The following NRXN3 variants were observed in gnomAD, a reference collection of about 807,000 sequenced individuals.
NRXN3 encodes the protein neurexin 3.
A neutral mutation model predicts 137.6 loss-of-function variants in NRXN3; 32 were observed. The ratio of observed to expected loss-of-function variants is 0.23; its 90% CI spans 0.18 to 0.31. NRXN3 has a LOEUF of 0.31. Among genes scored for constraint, NRXN3 ranks in the 10% least tolerant of loss-of-function variants. The probability of loss-of-function intolerance (pLI) is 1.00; values close to 1 mark genes in which losing one functional copy is unlikely to be tolerated. For synonymous variants in NRXN3, 798 were observed against 784.5 expected (o/e 1.02, Z -0.29); for missense variants, 1,574 against 2,062.5 (o/e 0.76, Z 4.59).
chr14:78,545,128 T>G lies in NRXN3; in HGVS notation c.758-99992T>G, dbSNP rs975609527. 2.6e-5 allele frequency among the ~76,000 whole-genome samples: 4 copies of G among 152,184 alleles called. No individual in the cohort carries two copies. In the East Asian group the frequency reaches 7.7e-4, roughly 29 times the overall value. On this transcript the variant is annotated intron_variant, in intron 4 of 20. Transcript: ENST00000335750. The stretch of plus-strand genomic sequence containing the variant: ...TAGTACTGATGAACTGGTTGTTCTC[T>G]TGTAAATTTTAGAAGGAAGGTGGAC...
intron 15 of NRXN3, among the ~76,000 whole-genome samples, chr14:79,169,714 AG>A (rs1475285557): frequency 2.6e-5 from 4 of 152,166 alleles, no homozygotes; most frequent in African/African-American, 9.7e-5. Flanking sequence ...TATAATTCAC[AG>A]GGGTAAAGAT....
chr14:78,517,971 A>C (rs1313431573), intron 4 of NRXN3, among the ~76,000 whole-genome samples: 1 of 152,096 alleles, frequency 6.6e-6, no homozygotes, highest in Non-Finnish European at 1.5e-5. Context: ...TGCCTAGACA[A>C]ATGGATCTTT....
intron 16 of NRXN3, among the ~76,000 whole-genome samples, chr14:79,593,361 T>C (rs2097826401): frequency 1.3e-5 from 2 of 152,186 alleles, no homozygotes; most frequent in African/African-American, 4.8e-5. Flanking sequence ...CCGGGTGTGG[T>C]GGCTCACACC....
chr14:79,490,014 G>T (rs992650403), intron 16 of NRXN3, among the ~76,000 whole-genome samples: 1 of 146,314 alleles, frequency 6.8e-6, no homozygotes, highest in Non-Finnish European at 1.5e-5. Flanking sequence ...ACTCCAGCGT[G>T]GGGGACAGAG....
intron 6 of NRXN3, among the ~76,000 whole-genome samples, chr14:78,668,766 C>T (rs188392514): frequency 6.6e-6 from 1 of 152,138 alleles, no homozygotes; most frequent in Non-Finnish European, 1.5e-5. Flanking sequence ...GTCATAGATA[C>T]TGTATAAACA....
chr14:78,656,969 C>T (rs1414052838), intron 6 of NRXN3, among the ~76,000 whole-genome samples: 1 of 146,314 alleles, frequency 6.8e-6, no homozygotes, highest in Non-Finnish European at 1.5e-5. Flanking sequence ...ACGGTGTGAA[C>T]CCGGGAGGGG....
At chr14:79,407,849 CCT>C (rs769274879) in intron 15 of NRXN3, among the ~76,000 whole-genome samples, 15 of 152,060 alleles carry the variant, frequency 9.9e-5, no homozygotes, top group Non-Finnish European at 1.3e-4. Context: ...CAGAACAGTG[CCT>C]AGTCTTTAGT....
At chr14:79,777,910 T>G (rs2099102117) in intron 19 of NRXN3, among the ~76,000 whole-genome samples, 1 of 151,994 alleles carries the variant, frequency 6.6e-6, no homozygotes, top group Admixed American at 6.5e-5. Flanking sequence ...CTATTTACTA[T>G]AGCTACCTCA....
chr14:79,393,317 A>G (rs2094914445), intron 15 of NRXN3, among the ~76,000 whole-genome samples: 1 of 152,242 alleles, frequency 6.6e-6, no homozygotes, highest in African/African-American at 2.4e-5. Context: ...AAATCTAAGC[A>G]GAATATTCCA....
chr14:79,355,253 CCCA>C lies in NRXN3; in HGVS notation c.3263-111965_3263-111963del, dbSNP rs1566892825. 2.5e-4 allele frequency among the ~76,000 whole-genome samples: 37 copies of C among 149,472 alleles called. 1 individual carries two copies. The highest frequency in any genetic ancestry group is 8.7e-4 in the African/African-American group (34 of 39,270). ...CTCCTATTCCTGGGCTTTTCTGTCC[CCCA>C]CCCCCTTCCTTCCCTCCTTCCTCTG... On this transcript the variant is annotated intron_variant, in intron 15 of 20. Transcript: ENST00000335750.
chr14:78,222,489 G>A (rs2063968315), intron 1 of NRXN3, among the ~76,000 whole-genome samples: 1 of 152,222 alleles, frequency 6.6e-6, no homozygotes, highest in Non-Finnish European at 1.5e-5. Context: ...CGGACTAACT[G>A]AGGAGGGCAG....
At chr14:79,828,226 C>G (rs2099311347) in intron 20 of NRXN3, among the ~76,000 whole-genome samples, 1 of 152,110 alleles carries the variant, frequency 6.6e-6, no homozygotes. Flanking sequence ...GTGAATTCTC[C>G]GATCCTGTAC....
intron 19 of NRXN3, among the ~76,000 whole-genome samples, chr14:79,739,884 TC>T (rs781133820): frequency 3.9e-5 from 6 of 152,118 alleles, no homozygotes; most frequent in African/African-American, 7.2e-5. Flanking sequence ...CAGGTACCTA[TC>T]CTCCACTCTG....
intron 15 of NRXN3, among the ~76,000 whole-genome samples, chr14:79,007,641 TA>T (rs1424438599): frequency 6.6e-6 from 1 of 151,106 alleles, no homozygotes; most frequent in Non-Finnish European, 1.5e-5. Context: ...CCGTCTCTAC[TA>T]AAAAATAAAG....
At chr14:79,102,069 G>A (rs1421925987) in intron 15 of NRXN3, among the ~76,000 whole-genome samples, 1 of 152,144 alleles carries the variant, frequency 6.6e-6, no homozygotes, top group Non-Finnish European at 1.5e-5. Context: ...CTTTCAGAGA[G>A]AGCATTGCTC....
chr14:78,609,167 C>T (rs2097278184), intron 4 of NRXN3, among the ~76,000 whole-genome samples: 3 of 151,772 alleles, frequency 2.0e-5, no homozygotes, highest in Admixed American at 2.0e-4. Context: ...CCTTGATTGA[C>T]TTGAGAAGGA....
At chr14:79,424,257 ATATT>A (rs2095623069) in intron 15 of NRXN3, among the ~76,000 whole-genome samples, 1 of 152,214 alleles carries the variant, frequency 6.6e-6, no homozygotes, top group South Asian at 2.1e-4. Flanking sequence ...ATTAAAACAA[ATATT>A]AATTCCTCAA....
intron 16 of NRXN3, among the ~76,000 whole-genome samples, chr14:79,524,022 A>T (rs548498400): frequency 3.1e-4 from 47 of 152,292 alleles, no homozygotes; most frequent in African/African-American, 1.1e-3. Flanking sequence ...TAGGAAGCAT[A>T]CCCTGTTTAG....
intron 4 of NRXN3, chr14:78,614,970 G>A: frequency 4.4e-6 from 2 of 456,598 alleles, no homozygotes; most frequent in South Asian, 3.1e-5. Context: ...GATGGTGTTA[G>A]GCCCGGGAAG....
Sources: allele counts gnomAD v4.1 joint callset (sites outside exome capture counted in the v4.1 genomes callset), GRCh38; gene constraint gnomAD v4.1.1; transcripts MANE v1.5; gene names NCBI Gene and HGNC (gene_info 2026-07-23, HGNC 2026-07-21).